RBFOX1: variants seen among roughly 807,000 people sequenced by gnomAD.
RBFOX1 encodes the protein RNA binding protein fox-1 homolog 1.
RBFOX1 carries 8 observed loss-of-function variants against 57.7 expected under a neutral mutation model. The ratio of observed to expected loss-of-function variants is 0.14; its 90% CI spans 0.08 to 0.25. The LOEUF (loss-of-function observed/expected upper bound fraction) is 0.25, where lower values mean the gene tolerates loss of function less well. Ranked by LOEUF, RBFOX1 falls within the 10% of genes least tolerant of loss-of-function variation. RBFOX1 has a pLI of 1.00. For missense variants in RBFOX1, 611 were observed against 548.5 expected (o/e 1.11, Z -1.14); for synonymous variants, 326 against 222.4 (o/e 1.47, Z -4.15).
chr16:7,567,165 A>C lies in RBFOX1; in HGVS notation c.271-12612A>C, dbSNP rs201064816. Among the ~76,000 whole-genome samples the C allele has an allele frequency of 1.4e-5, 2 of 143,966 alleles. 1 individual carries two copies. Among genetic ancestry groups the C allele is most frequent in the East Asian group, 4.0e-4 (2 of 5,058 alleles). 94.4% of individuals were successfully genotyped at this position (143,966 alleles called of 152,430 possible). ...CATATATATCCCTATATATATATCCATATATATATCCCTATATAAATATCC... is the reference window on the plus strand; with the variant it reads ...CATATATATCCCTATATATATATCCCTATATATATCCCTATATAAATATCC... On this transcript the variant is annotated intron_variant, in intron 5 of 15. Coordinates refer to ENST00000550418, the MANE Select transcript of RBFOX1 (RefSeq NM_018723.4).
At chr16:5,890,588 T>G (rs904052153) in intron 4 of RBFOX1, among the ~76,000 whole-genome samples, 1 of 150,710 alleles carries the variant, frequency 6.6e-6, no homozygotes, top group Non-Finnish European at 1.5e-5. Context: ...TCTCAGCTAC[T>G]CCAGAGGCTG....
At chr16:6,173,526 C>G (rs1228018164) in intron 1 of RBFOX1, among the ~76,000 whole-genome samples, 3 of 151,388 alleles carry the variant, frequency 2.0e-5, no homozygotes, top group Non-Finnish European at 4.4e-5. Flanking sequence ...TACTCCCTGT[C>G]TACCCAAATC....
chr16:6,857,851 T>C (rs2058191799), intron 3 of RBFOX1, among the ~76,000 whole-genome samples: 1 of 152,236 alleles, frequency 6.6e-6, no homozygotes, highest in Non-Finnish European at 1.5e-5. Flanking sequence ...TAGCTCTTCA[T>C]GCTCAGTTAC....
chr16:5,356,150 G>C (rs916076075), intron 1 of RBFOX1, among the ~76,000 whole-genome samples: 1 of 152,142 alleles, frequency 6.6e-6, no homozygotes, highest in African/African-American at 2.4e-5. Context: ...GCCGTGTGCA[G>C]GTGGATGCAG....
intron 4 of RBFOX1, among the ~76,000 whole-genome samples, chr16:7,363,198 C>T (rs1485642672): frequency 2.6e-5 from 4 of 152,154 alleles, no homozygotes; most frequent in Admixed American, 6.5e-5. Context: ...GGATTGCCGT[C>T]AGCCTCCATC....
intron 4 of RBFOX1, among the ~76,000 whole-genome samples, chr16:5,943,902 C>T (rs549636678): frequency 2.2e-4 from 33 of 152,088 alleles, no homozygotes; most frequent in Non-Finnish European, 2.9e-4. Flanking sequence ...TTCATCTACT[C>T]ATCCATCCAT....
At chr16:5,819,313 C>G (rs1015904400) in intron 3 of RBFOX1, among the ~76,000 whole-genome samples, 2 of 152,182 alleles carry the variant, frequency 1.3e-5, no homozygotes, top group African/African-American at 2.4e-5. Flanking sequence ...TTCATGAAGG[C>G]TTATGCCTGT....
At chr16:6,145,751 T>G (rs1271033748) in intron 1 of RBFOX1, among the ~76,000 whole-genome samples, 1 of 152,246 alleles carries the variant, frequency 6.6e-6, no homozygotes, top group African/African-American at 2.4e-5. Context: ...GAAAAGCCAG[T>G]AGTATATTTA....
At chr16:5,309,201 T>G (rs2064017244) in intron 1 of RBFOX1, among the ~76,000 whole-genome samples, 1 of 152,186 alleles carries the variant, frequency 6.6e-6, no homozygotes, top group African/African-American at 2.4e-5. Flanking sequence ...AGATAAATGG[T>G]TTTGCTTTTG....
At chr16:7,005,570 T>C (rs1409028277) in intron 3 of RBFOX1, among the ~76,000 whole-genome samples, 1 of 152,188 alleles carries the variant, frequency 6.6e-6, no homozygotes, top group Non-Finnish European at 1.5e-5. Flanking sequence ...AAGCAGCTCC[T>C]GAAAGATCCT....
At chr16:7,699,156 C>A (rs560608398) in intron 14 of RBFOX1, among the ~76,000 whole-genome samples, 2 of 152,148 alleles carry the variant, frequency 1.3e-5, no homozygotes, top group African/African-American at 2.4e-5. Flanking sequence ...ATAGAAAAGA[C>A]CTCACACCTT....
chr16:7,208,624 G>A (rs1275998650), intron 4 of RBFOX1, among the ~76,000 whole-genome samples: 1 of 152,042 alleles, frequency 6.6e-6, no homozygotes, highest in African/African-American at 2.4e-5. Context: ...TTGCTTCAGG[G>A]TAAGAGTTTC....
intron 2 of RBFOX1, among the ~76,000 whole-genome samples, chr16:5,494,940 G>C (rs534893081): frequency 6.6e-6 from 1 of 152,276 alleles, no homozygotes; most frequent in Admixed American, 6.5e-5. Context: ...AAGTGAAGTA[G>C]GAATAATACA....
intron 4 of RBFOX1, among the ~76,000 whole-genome samples, chr16:7,399,652 C>T (rs2098205442): frequency 6.6e-6 from 1 of 152,080 alleles, no homozygotes; most frequent in Non-Finnish European, 1.5e-5. Flanking sequence ...TGGCATTCCC[C>T]TCTATGTCTT....
chr16:6,456,361 T>A lies in RBFOX1; in HGVS notation c.-64+139304T>A, dbSNP rs546593872. ...TCTCACCCTGTCTTCCAGGCTGGAG[T>A]GCATTGGCATGGTCATAGCTTACTG... On this transcript the variant is annotated intron_variant, in intron 2 of 15. Coordinates refer to ENST00000550418, the MANE Select transcript of RBFOX1 (RefSeq NM_018723.4). Among the ~76,000 whole-genome samples, 20 of 152,202 alleles carry A rather than the reference T, an allele frequency of 1.3e-4. 1 individual carries two copies. In the East Asian group the frequency reaches 2.9e-3, roughly 22 times the overall value.
chr16:6,658,284 G>C (rs1048717648), intron 3 of RBFOX1, among the ~76,000 whole-genome samples: 1 of 151,122 alleles, frequency 6.6e-6, no homozygotes, highest in Non-Finnish European at 1.5e-5. Context: ...CTCAAATCTG[G>C]ATTGCAGTGG....
At chr16:5,698,882 A>G (rs902768214) in intron 3 of RBFOX1, among the ~76,000 whole-genome samples, 4 of 152,050 alleles carry the variant, frequency 2.6e-5, no homozygotes, top group Non-Finnish European at 5.9e-5. Context: ...TATTTTGTGT[A>G]GCATCTGTAT....
At chr16:5,867,293 T>C (rs1304163036) in intron 3 of RBFOX1, 1 of 1,199,702 alleles carries the variant, frequency 8.3e-7, no homozygotes, top group Non-Finnish European at 1.0e-6. Context: ...TTTTTTTGTT[T>C]AACTTGCAGG....
chr16:7,587,540 A>G (rs926635995), intron 7 of RBFOX1, among the ~76,000 whole-genome samples: 2 of 152,174 alleles, frequency 1.3e-5, no homozygotes, highest in African/African-American at 4.8e-5. Context: ...CCAGAGGAAA[A>G]TTATACATGC....
Sources: gnomAD v4.1 joint callset for allele counts (sites outside exome capture counted in the v4.1 genomes callset) on GRCh38, gnomAD v4.1.1 for gene constraint, MANE v1.5 for transcripts, NCBI Gene and HGNC (gene_info 2026-07-23, HGNC 2026-07-21) for gene names.